Variants in PPP6R2 observed in about 807,000 individuals in gnomAD.
The protein encoded by PPP6R2 is protein phosphatase 6 regulatory subunit 2.
Under a neutral mutation model 100.2 loss-of-function variants are expected in PPP6R2, and 62 were observed. The ratio of observed to expected loss-of-function variants is 0.62; its 90% CI spans 0.50 to 0.76. PPP6R2 has a LOEUF of 0.76. Ranked by LOEUF, PPP6R2 falls within the 30% of genes least tolerant of loss-of-function variation. The pLI, the probability that PPP6R2 is intolerant of heterozygous loss-of-function variation, is 0.00. For synonymous variants in PPP6R2, 525 were observed against 514.7 expected, an observed-to-expected ratio of 1.02 and a Z score of -0.27; for missense variants, 1,142 against 1,276.3, an observed-to-expected ratio of 0.89 and a Z score of 1.60.
chr22:50,382,250 G>A (rs2053233004), intron 2 of PPP6R2, among the ~76,000 whole-genome samples: 1 of 152,120 alleles, frequency 6.6e-6, no homozygotes. Flanking sequence ...CTATAATACA[G>A]TCAATTCTTT....
chr22:50,417,738 C>T (rs1406176777), intron 6 of PPP6R2, among the ~76,000 whole-genome samples: 11 of 152,184 alleles, frequency 7.2e-5, no homozygotes. Flanking sequence ...GGAGGCCGCC[C>T]TGCCTGAGAA....
At chr22:50,401,755 G>A (rs977874553) in intron 3 of PPP6R2, among the ~76,000 whole-genome samples, 2 of 151,254 alleles carry the variant, frequency 1.3e-5, no homozygotes, top group African/African-American at 2.4e-5. Flanking sequence ...CCATTCTCCT[G>A]CCTCAGCCTC....
intron 15 of PPP6R2, 23 bp from the exon 16 acceptor site, chr22:50,437,483 C>CAG: frequency 8.2e-6 from 6 of 734,958 alleles, no homozygotes; most frequent in East Asian, 2.5e-5. Context: ...CTGTCCGTCC[C>CAG]TCCCTCCCTC....
intron 2 of PPP6R2, chr22:50,393,422 C>A (rs897117873): frequency 3.0e-6 from 3 of 985,120 alleles, no homozygotes; most frequent in Non-Finnish European, 3.6e-6. Flanking sequence ...AGTGTTCACT[C>A]AGGACAGAAG....
chr22:50,424,630 C>CTTTT (rs1483954681), intron 10 of PPP6R2, among the ~76,000 whole-genome samples: 17 of 101,294 alleles, frequency 1.7e-4, no homozygotes, highest in South Asian at 1.3e-3. Flanking sequence ...TTTCCCTCTT[C>CTTTT]TTCTTTTTTT....
At chr22:50,412,540 G>T (rs1050161918) in intron 4 of PPP6R2, among the ~76,000 whole-genome samples, 1 of 149,736 alleles carries the variant, frequency 6.7e-6, no homozygotes, top group Admixed American at 6.7e-5. Flanking sequence ...AACCTTCTCT[G>T]TATAGAGAGC....
At chr22:50,385,675 C>T (rs2054081197) in intron 2 of PPP6R2, among the ~76,000 whole-genome samples, 1 of 150,538 alleles carries the variant, frequency 6.6e-6, no homozygotes, top group Non-Finnish European at 1.5e-5. Context: ...GCCACTATGC[C>T]TGGCTAATAT....
chr22:50,334,585 C>A, the PPP6R2 span, among the ~76,000 whole-genome samples: 1 of 152,146 alleles, frequency 6.6e-6, no homozygotes, highest in Non-Finnish European at 1.5e-5. Context: ...TGCCTTGGCA[C>A]CTGGGTGGCT....
chr22:50,416,735 G>A (rs979951451), intron 6 of PPP6R2, among the ~76,000 whole-genome samples: 1 of 151,942 alleles, frequency 6.6e-6, no homozygotes, highest in African/African-American at 2.4e-5. Context: ...GGCTGAGGCG[G>A]GCCGATCACT....
chr22:50,395,472 G>A (rs758920632), intron 3 of PPP6R2, among the ~76,000 whole-genome samples: 1 of 152,220 alleles, frequency 6.6e-6, no homozygotes, highest in Non-Finnish European at 1.5e-5. Context: ...TCATTAGGAA[G>A]TGGGAGATAC....
chr22:50,431,263 G>C lies in PPP6R2; in HGVS notation c.1216G>C (p.Glu406Gln), dbSNP rs55712763. ...AAILSHAARE[E>Q]RTEASGSESR... is the part of the protein sequence containing the mutation. ...TATTCTCTCCCACGCTGCCCGTGAG[G>C]AGAGGACAGAAGCCAGCGGATCCGA... The change falls in exon 11 of 24, where the codon GAG (glutamate) becomes CAG (glutamine). Residue 406 changes from glutamate (E) to glutamine (Q), a missense_variant. By Grantham distance (29) the Glu-to-Gln change is conservative (BLOSUM62 2). This residue lies in a region of PPP6R2 where 592 missense variants were observed against 758.9 expected (regional missense o/e 0.78). Coordinates refer to ENST00000612753, the MANE Select transcript of PPP6R2 (RefSeq NM_001242898.2). This position sits in a 1 kb window ranked among gnomAD's most constrained non-coding sequence, Gnocchi z 4.8. 23,882 of 1,613,726 alleles carry C rather than the reference G, an allele frequency of 0.015. 276 individuals carry two copies. Among genetic ancestry groups the C allele is most frequent in the East Asian group, 0.058 (2,591 of 44,888 alleles).
chr22:50,365,566 C>T (rs2048593911), intron 1 of PPP6R2, among the ~76,000 whole-genome samples: 1 of 151,408 alleles, frequency 6.6e-6, no homozygotes, highest in Non-Finnish European at 1.5e-5. Flanking sequence ...GTAGTCCCAG[C>T]TACTCGGGAG....
intron 1 of PPP6R2, among the ~76,000 whole-genome samples, chr22:50,367,034 G>C (rs576157291): frequency 6.6e-6 from 1 of 151,048 alleles, no homozygotes; most frequent in Non-Finnish European, 1.5e-5. Flanking sequence ...GGTCTGTTCC[G>C]TCTTGGCCAG....
At chr22:50,435,283 C>T (rs961536595) in intron 13 of PPP6R2, among the ~76,000 whole-genome samples, 14 of 152,210 alleles carry the variant, frequency 9.2e-5, no homozygotes, top group African/African-American at 3.1e-4. Flanking sequence ...TTCTATTGGG[C>T]GGACTTCTGT....
intron 3 of PPP6R2, among the ~76,000 whole-genome samples, chr22:50,400,897 C>G (rs2057908179): frequency 2.0e-5 from 3 of 152,180 alleles, no homozygotes; most frequent in African/African-American, 7.2e-5. Context: ...TATTTTCCCT[C>G]TTTTCTCTTT....
rs145411803 is a variant in PPP6R2 at position 50,438,228 on chromosome 22, G to C, written c.1894G>C (p.Asp632His). 3.1e-6 allele frequency: 5 copies of C among 1,613,834 alleles called. No individual in the cohort carries two copies. The African/African-American group carries it at 5.3e-5, about 17-fold the overall frequency. The stretch of plus-strand genomic sequence containing the variant: ...CAGTGACCGCATCCAGCCCTTTGAT[G>C]ATGATGAGGACGAGGACATCTGGGA... The part of the protein sequence containing the change: ...CCSDRIQPFD[D>H]DEDEDIWEDS... The change falls in exon 18 of 24, where the codon GAT (aspartate) becomes CAT (histidine). Residue 632 changes from aspartate (D) to histidine (H), a missense_variant. Asp to His is a moderately conservative substitution (Grantham distance 81, BLOSUM62 -1). This residue lies in a region of PPP6R2 where 550 missense variants were observed against 517.4 expected (regional missense o/e 1.06). Coordinates refer to ENST00000612753, the MANE Select transcript of PPP6R2 (RefSeq NM_001242898.2).
chr22:50,371,063 T>C (rs926761391), intron 1 of PPP6R2, among the ~76,000 whole-genome samples: 2 of 152,226 alleles, frequency 1.3e-5, no homozygotes, highest in Non-Finnish European at 2.9e-5. Flanking sequence ...GTCAGACCTT[T>C]TTTAAAACAA....
intron 3 of PPP6R2, among the ~76,000 whole-genome samples, chr22:50,396,566 G>GTATC (rs748047232): frequency 1.3e-5 from 2 of 151,926 alleles, no homozygotes; most frequent in African/African-American, 2.4e-5. Context: ...ACACGTTTCA[G>GTATC]TATCCACCAA....
rs772181727 is a variant in PPP6R2, at chr22:50,418,970, C to T, written c.722C>T (p.Ala241Val). The part of the protein sequence containing the change: ...EALEPDPLLT[A>V]LESQDCVEQL... ...CTGGAGCCAGACCCGCTCCTCACAG[C>T]GCTGGAGTCGTGAGTGCTGGTGGGC... The change falls in exon 7 of 24, where the codon GCG becomes GTG. Residue 241 changes from alanine (A) to valine (V), a missense_variant. This residue lies in a region of PPP6R2 where 592 missense variants were observed against 758.9 expected (regional missense o/e 0.78). Coordinates refer to ENST00000612753, the MANE Select transcript of PPP6R2 (RefSeq NM_001242898.2). The T allele has an allele frequency of 1.4e-5, 22 of 1,612,860 alleles. No homozygotes were observed. The highest frequency in any genetic ancestry group is 1.7e-5 in the Non-Finnish European group (20 of 1,178,952).
Sources: gnomAD v4.1 joint callset for allele counts (sites outside exome capture counted in the v4.1 genomes callset) on GRCh38, gnomAD v4.1.1 for gene constraint, gnomAD v4.1.1 regional missense constraint, Gnocchi (gnomAD v3.1) non-coding constraint, MANE v1.5 for transcripts, NCBI Gene and HGNC (gene_info 2026-07-23, HGNC 2026-07-21) for gene names.